CDC14A: variants seen among roughly 807,000 people sequenced by gnomAD.
CDC14A encodes dual specificity protein phosphatase CDC14A.
Under a neutral mutation model 74.4 loss-of-function variants are expected in CDC14A, and 53 were observed. That is an observed-to-expected ratio of 0.71 (90% CI 0.57 to 0.89). The LOEUF (loss-of-function observed/expected upper bound fraction) is 0.89, where lower values mean the gene tolerates loss of function less well. Among genes scored for constraint, CDC14A ranks in the 40% least tolerant of loss-of-function variants. The pLI, the probability that CDC14A is intolerant of heterozygous loss-of-function variation, is 0.00. For missense variants in CDC14A, 646 were observed against 713.7 expected (o/e 0.91, Z 1.08); for synonymous variants, 247 against 258.4 (o/e 0.96, Z 0.43).
intron 3 of CDC14A, among the ~76,000 whole-genome samples, chr1:100,384,224 G>GT (rs1656537486): frequency 1.3e-5 from 2 of 152,080 alleles, no homozygotes; most frequent in South Asian, 4.2e-4. Flanking sequence ...TTGTACTTTG[G>GT]TTTATAAGTA....
At chr1:100,503,267 A>G (rs907626810) in intron 15 of CDC14A, among the ~76,000 whole-genome samples, 1 of 152,222 alleles carries the variant, frequency 6.6e-6, no homozygotes, top group Non-Finnish European at 1.5e-5. Context: ...GTACTACTGA[A>G]GATGTGAGAT....
At chr1:100,391,071 A>G (rs1338575769) in intron 4 of CDC14A, 5 of 484,696 alleles carry the variant, frequency 1.0e-5, no homozygotes, top group South Asian at 8.3e-5. Flanking sequence ...CCACAGTTAT[A>G]TAGGTATTTT....
chr1:100,422,078 A>G (rs1345379166), intron 4 of CDC14A, among the ~76,000 whole-genome samples: 2 of 152,218 alleles, frequency 1.3e-5, no homozygotes, highest in African/African-American at 4.8e-5. Context: ...CCTGGAATTT[A>G]GATGGCCTCT....
intron 3 of CDC14A, among the ~76,000 whole-genome samples, chr1:100,377,877 CACAA>C (rs1171450669): frequency 6.6e-6 from 1 of 152,182 alleles, no homozygotes; most frequent in Non-Finnish European, 1.5e-5. Context: ...AGAAAGAAAG[CACAA>C]ATCCTTTTAG....
At chr1:100,354,336 A>G (rs1241134026) in intron 2 of CDC14A, among the ~76,000 whole-genome samples, 1 of 152,186 alleles carries the variant, frequency 6.6e-6, no homozygotes, top group Non-Finnish European at 1.5e-5. Flanking sequence ...AACTGCGGGG[A>G]GCTGTATCAG....
At chr1:100,386,269 T>C (rs747939723) in intron 3 of CDC14A, among the ~76,000 whole-genome samples, 9 of 152,210 alleles carry the variant, frequency 5.9e-5, no homozygotes, top group Non-Finnish European at 1.3e-4. Flanking sequence ...ATGGGTCATG[T>C]GCTGTGCTGC....
intron 10 of CDC14A, among the ~76,000 whole-genome samples, chr1:100,472,510 G>GT (rs919358113): frequency 2.0e-5 from 3 of 151,882 alleles, no homozygotes; most frequent in African/African-American, 7.2e-5. Flanking sequence ...GTTTTTCAAG[G>GT]TTTTTTTCAG....
chr1:100,380,561 CTT>C (rs1655964308), intron 3 of CDC14A, among the ~76,000 whole-genome samples: 1 of 152,232 alleles, frequency 6.6e-6, no homozygotes, highest in Admixed American at 6.5e-5. Flanking sequence ...TTGTTACTCA[CTT>C]TGCACATTCT....
intron 11 of CDC14A, among the ~76,000 whole-genome samples, chr1:100,491,417 T>C (rs1670601767): frequency 6.6e-6 from 1 of 150,990 alleles, no homozygotes. Flanking sequence ...TGTTTACCTA[T>C]ACTTTATTAC....
intron 4 of CDC14A, among the ~76,000 whole-genome samples, chr1:100,413,161 A>G (rs1231495587): frequency 6.6e-6 from 1 of 152,176 alleles, no homozygotes; most frequent in Non-Finnish European, 1.5e-5. Context: ...TGCACAGAAA[A>G]ATTGCCACAG....
intron 11 of CDC14A, among the ~76,000 whole-genome samples, chr1:100,488,687 T>C (rs183557282): frequency 6.6e-6 from 1 of 152,370 alleles, no homozygotes; most frequent in East Asian, 1.9e-4. Context: ...GCCAAGTTCA[T>C]ACAAATTGAC....
chr1:100,400,526 G>A (rs1659118728), intron 4 of CDC14A, among the ~76,000 whole-genome samples: 1 of 152,126 alleles, frequency 6.6e-6, no homozygotes, highest in Non-Finnish European at 1.5e-5. Context: ...GGGAGGGGAG[G>A]CACATGGCTG....
At chr1:100,481,007 C>G (rs1483830315) in intron 10 of CDC14A, 1 of 152,238 alleles carries the variant, frequency 6.6e-6, no homozygotes, top group Non-Finnish European at 1.5e-5. Flanking sequence ...ATTTGAAGAA[C>G]TCCTTGAATA....
At chr1:100,353,399 C>T (rs1276684337) in intron 1 of CDC14A, among the ~76,000 whole-genome samples, 1 of 152,188 alleles carries the variant, frequency 6.6e-6, no homozygotes, top group Non-Finnish European at 1.5e-5. Flanking sequence ...TTCAAATCTC[C>T]GAAGCTGCGT....
intron 15 of CDC14A, among the ~76,000 whole-genome samples, chr1:100,509,948 C>T (rs1649577570): frequency 6.6e-6 from 1 of 152,100 alleles, no homozygotes; most frequent in Admixed American, 6.5e-5. Context: ...TCTCATTTTC[C>T]CTTATTTACT....
At chr1:100,506,455 C>T (rs576023819) in intron 15 of CDC14A, among the ~76,000 whole-genome samples, 1 of 152,220 alleles carries the variant, frequency 6.6e-6, no homozygotes, top group African/African-American at 2.4e-5. Flanking sequence ...TGCTACTTGA[C>T]AAAGCATCAA....
At chr1:100,472,430 A>G (rs1668483122) in intron 10 of CDC14A, among the ~76,000 whole-genome samples, 2 of 152,050 alleles carry the variant, frequency 1.3e-5, no homozygotes, top group Admixed American at 1.3e-4. Flanking sequence ...TTATAGTTTT[A>G]ATTTGCTTTT....
intron 11 of CDC14A, among the ~76,000 whole-genome samples, chr1:100,487,572 G>GAAACAAAACGAAACAA (rs3081857): frequency 4.0e-5 from 6 of 150,974 alleles, no homozygotes; most frequent in Non-Finnish European, 7.4e-5. Flanking sequence ...AAACAAAACA[G>GAAACAAAACGAAACAA]AACAAAACAA....
intron 5 of CDC14A, among the ~76,000 whole-genome samples, chr1:100,438,003 T>C (rs1664535126): frequency 6.6e-6 from 1 of 152,132 alleles, no homozygotes; most frequent in African/African-American, 2.4e-5. Flanking sequence ...AAATTATATC[T>C]TTATTTTTAC....
Sources: allele counts gnomAD v4.1 joint callset (sites outside exome capture counted in the v4.1 genomes callset), GRCh38; gene constraint gnomAD v4.1.1; transcripts MANE v1.5; gene names NCBI Gene and HGNC (gene_info 2026-07-23, HGNC 2026-07-21).